The following HGF variants were observed in gnomAD, a reference collection of about 807,000 sequenced individuals.
HGF encodes hepatocyte growth factor.
A neutral mutation model predicts 111.6 loss-of-function variants in HGF; 39 were observed. The ratio of observed to expected loss-of-function variants is 0.35; its 90% CI spans 0.27 to 0.46. The LOEUF (loss-of-function observed/expected upper bound fraction) is 0.46, where lower values mean the gene tolerates loss of function less well. Ranked by LOEUF, HGF falls within the 20% of genes least tolerant of loss-of-function variation. The pLI is 1.00. For missense variants in HGF, 735 were observed against 910.5 expected (o/e 0.81, Z 2.48); for synonymous variants, 285 against 294.8 (o/e 0.97, Z 0.34).
intron 11 of HGF, among the ~76,000 whole-genome samples, chr7:81,713,695 C>T (rs1022479712): frequency 6.6e-6 from 1 of 151,986 alleles, no homozygotes; most frequent in African/African-American, 2.4e-5. Flanking sequence ...GGTTGGTGGC[C>T]GGATGCATCC....
intron 1 of HGF, among the ~76,000 whole-genome samples, chr7:81,766,675 G>T (rs1304536192): frequency 6.6e-6 from 1 of 152,086 alleles, no homozygotes; most frequent in East Asian, 1.9e-4. Context: ...GGCCTCCCTA[G>T]GTATTTTCTT....
intron 14 of HGF, 127 bp from the exon 15 acceptor site, chr7:81,706,554 T>C: frequency 1.4e-6 from 1 of 733,272 alleles, no homozygotes; most frequent in Non-Finnish European, 2.3e-6. Flanking sequence ...ATTCATAGTA[T>C]AATAAAGAAC....
At chr7:81,711,167 A>G (rs1221314437) in intron 12 of HGF, among the ~76,000 whole-genome samples, 4 of 152,178 alleles carry the variant, frequency 2.6e-5, no homozygotes, top group African/African-American at 9.7e-5. Flanking sequence ...AAATCATGGT[A>G]TATATAAAGG....
intron 11 of HGF, among the ~76,000 whole-genome samples, chr7:81,712,892 T>G (rs919541968): frequency 2.6e-5 from 4 of 152,158 alleles, no homozygotes; most frequent in African/African-American, 9.7e-5. Flanking sequence ...AATGAATAGG[T>G]TAATGGTAAA....
intron 4 of HGF, 25 bp from the exon 5 acceptor site, chr7:81,752,287 C>T: frequency 6.2e-7 from 1 of 1,609,906 alleles, no homozygotes; most frequent in Non-Finnish European, 8.5e-7. Context: ...ATAATCATTA[C>T]AGTATAAGAG....
At chr7:81,743,782 C>T (rs1420607199) in intron 6 of HGF, among the ~76,000 whole-genome samples, 4 of 152,118 alleles carry the variant, frequency 2.6e-5, no homozygotes, top group Non-Finnish European at 5.9e-5. Flanking sequence ...AAAAACATGA[C>T]TTCATGTAGA....
chr7:81,725,271 A>G (rs1470142581), intron 9 of HGF, among the ~76,000 whole-genome samples: 1 of 151,476 alleles, frequency 6.6e-6, no homozygotes, highest in African/African-American at 2.4e-5. Context: ...ATCTCCTACT[A>G]CTCTTCATCT....
At chr7:81,719,426 A>G (rs747046278) in intron 10 of HGF, among the ~76,000 whole-genome samples, 5 of 152,210 alleles carry the variant, frequency 3.3e-5, no homozygotes, top group African/African-American at 4.8e-5. Context: ...TCCAGTGTCA[A>G]TATAGTAGCC....
chr7:81,761,671 A>G (rs904413038), intron 2 of HGF, among the ~76,000 whole-genome samples: 1 of 152,068 alleles, frequency 6.6e-6, no homozygotes, highest in Non-Finnish European at 1.5e-5. Context: ...ATTCGAATGA[A>G]ATTGTCACCC....
chr7:81,739,900 A>T (rs1347147604), intron 7 of HGF, among the ~76,000 whole-genome samples: 2 of 152,048 alleles, frequency 1.3e-5, no homozygotes, highest in African/African-American at 4.8e-5. Flanking sequence ...CTACTCTTGG[A>T]TCTTACTTGA....
chr7:81,737,617 T>C (rs1297143623), intron 7 of HGF, among the ~76,000 whole-genome samples: 2 of 152,108 alleles, frequency 1.3e-5, no homozygotes, highest in African/African-American at 4.8e-5. Flanking sequence ...GACACCCAGC[T>C]GTCTTCATTT....
At chr7:81,705,147 C>T (rs1002395858) in intron 17 of HGF, among the ~76,000 whole-genome samples, 13 of 151,798 alleles carry the variant, frequency 8.6e-5, no homozygotes, top group African/African-American at 3.1e-4. Flanking sequence ...AGTTCCGGCT[C>T]TACACACTTA....
Position 81,701,188 on chromosome 7 carries a change from T to C in HGF, c.*1393A>G, listed in dbSNP as rs1031302772. 6.6e-6 allele frequency: 1 copy of C among 151,442 alleles called. No individual in the cohort carries two copies. Among genetic ancestry groups the C allele is most frequent in the African/African-American group, 2.4e-5 (1 of 41,344 alleles). 9.4% of individuals were successfully genotyped at this position (151,442 alleles called of 1,614,324 possible). ...ACACAAAATTTAAATGTCTGTTACA[T>C]ATGGCATTAGGAGTGAACTTTGTAA... On this transcript the variant is annotated 3_prime_UTR_variant, in exon 18 of 18. Coordinates refer to ENST00000222390, the MANE Select transcript of HGF (RefSeq NM_000601.6).
intron 11 of HGF, among the ~76,000 whole-genome samples, chr7:81,714,942 A>G (rs1021893488): frequency 6.6e-6 from 1 of 152,142 alleles, no homozygotes; most frequent in Non-Finnish European, 1.5e-5. Flanking sequence ...AAATAAAATG[A>G]TTTATCTGCA....
In HGF at chr7:81,734,054, T is replaced by C. The variant is rs79242638; in HGVS notation, c.866-4275A>G. Among the ~76,000 whole-genome samples the C allele has an allele frequency of 2.9e-3, 436 of 152,216 alleles. 1 individual carries two copies. The highest frequency in any genetic ancestry group is 9.3e-3 in the African/African-American group (385 of 41,538). ...AAGGGAGGGTTTTGAAAAGTCTCCA[T>C]TGGCCAAACTAAAATGTCAGAAAAC... On this transcript the variant is annotated intron_variant, in intron 7 of 17. Coordinates refer to ENST00000222390, the MANE Select transcript of HGF (RefSeq NM_000601.6).
At chr7:81,714,199 C>T (rs79986409) in intron 11 of HGF, among the ~76,000 whole-genome samples, 2,991 of 152,090 alleles carry the variant, frequency 0.02, 73 homozygotes, top group African/African-American at 0.06. Flanking sequence ...ATACATATTA[C>T]ATGATTATAT....
intron 1 of HGF, among the ~76,000 whole-genome samples, chr7:81,764,659 T>G (rs888391760): frequency 2.0e-5 from 3 of 152,136 alleles, no homozygotes; most frequent in Non-Finnish European, 4.4e-5. Flanking sequence ...TGAAAATCAA[T>G]TTGGATTTTT....
intron 11 of HGF, among the ~76,000 whole-genome samples, chr7:81,713,967 C>T (rs1003921120): frequency 2.0e-5 from 3 of 147,122 alleles, no homozygotes; most frequent in Non-Finnish European, 4.5e-5. Context: ...GTTTTACCTA[C>T]GGAAGGGTAG....
chr7:81,720,894 A>G (rs1342359896), intron 9 of HGF, 47 bp from the exon 10 acceptor site: 1 of 972,038 alleles, frequency 1.0e-6, no homozygotes, highest in Non-Finnish European at 1.7e-6. Flanking sequence ...ATCAAGGCAG[A>G]TAAAACAAAA....
Sources: gnomAD v4.1 joint callset for allele counts (sites outside exome capture counted in the v4.1 genomes callset) on GRCh38, gnomAD v4.1.1 for gene constraint, MANE v1.5 for transcripts, NCBI Gene and HGNC (gene_info 2026-07-23, HGNC 2026-07-21) for gene names.